NUP93: variants seen among roughly 807,000 people sequenced by gnomAD.
NUP93 encodes the protein nucleoporin 93.
NUP93 carries 55 observed loss-of-function variants against 107.8 expected under a neutral mutation model. That is an observed-to-expected ratio of 0.51 (90% confidence interval 0.41 to 0.64). The LOEUF is 0.64. Among genes scored for constraint, NUP93 ranks in the 30% least tolerant of loss-of-function variants. The pLI is 0.00. For missense variants in NUP93, 937 were observed against 1,044.7 expected (o/e 0.90, Z 1.42); for synonymous variants, 390 against 397.5 (o/e 0.98, Z 0.22).
chr16:56,803,232 TC>T (rs1963059402), intron 4 of NUP93, among the ~76,000 whole-genome samples: 1 of 151,978 alleles, frequency 6.6e-6, no homozygotes, highest in Admixed American at 6.6e-5. Flanking sequence ...GCCAAGGCGG[TC>T]GGATCACTTG....
In NUP93 at chr16:56,758,973, C is replaced by T. The variant is rs150350313; in HGVS notation, c.297+318C>T. Reference sequence around the variant, plus strand: ...AGAGACATTAGTTGCAAGTTTCTTTCGCTTTCTTTGCTAGATCTCAAATAA... The same window carrying T: ...AGAGACATTAGTTGCAAGTTTCTTTTGCTTTCTTTGCTAGATCTCAAATAA... On this transcript the variant is annotated intron_variant, in intron 3 of 21. Transcript: ENST00000308159. Among the ~76,000 whole-genome samples, 800 of 152,288 alleles carry T rather than the reference C, an allele frequency of 5.3e-3. 6 individuals carry two copies. The highest frequency in any genetic ancestry group is 9.2e-3 in the Non-Finnish European group (629 of 68,014).
chr16:56,757,864 C>G (rs537062457), intron 2 of NUP93, among the ~76,000 whole-genome samples: 2 of 152,322 alleles, frequency 1.3e-5, no homozygotes, highest in South Asian at 4.1e-4. Context: ...GACGTTTATA[C>G]TAGGTTACTC....
intron 15 of NUP93, 127 bp from the exon 16 acceptor site, chr16:56,834,607 T>G (rs540222028): frequency 1.8e-6 from 2 of 1,114,464 alleles, no homozygotes; most frequent in South Asian, 3.0e-5. Context: ...TCAGTCACAC[T>G]GATTTTTAGT....
chr16:56,793,294 A>G (rs1184653093), intron 3 of NUP93, among the ~76,000 whole-genome samples: 2 of 152,128 alleles, frequency 1.3e-5, no homozygotes, highest in African/African-American at 4.8e-5. Context: ...GGTGTTCTTT[A>G]TTGAGCTGAC....
intron 3 of NUP93, chr16:56,783,503 AT>A: frequency 1.0e-6 from 1 of 985,452 alleles, no homozygotes; most frequent in Non-Finnish European, 1.2e-6. Flanking sequence ...TGTGGTTTGC[AT>A]TTTGTAAAGA....
At chr16:56,733,508 G>A (rs1454714649) in intron 1 of NUP93, among the ~76,000 whole-genome samples, 5 of 152,146 alleles carry the variant, frequency 3.3e-5, no homozygotes, top group Admixed American at 2.0e-4. Context: ...TTACCTGACT[G>A]TGTGCTAATT....
chr16:56,730,464 C>T (rs987532729), intron 1 of NUP93, among the ~76,000 whole-genome samples: 1 of 152,120 alleles, frequency 6.6e-6, no homozygotes, highest in Non-Finnish European at 1.5e-5. Flanking sequence ...CCTAGGCCTC[C>T]CGACTCCCCC....
intron 21 of NUP93, among the ~76,000 whole-genome samples, chr16:56,844,280 G>T (rs560718388): frequency 3.5e-4 from 54 of 152,306 alleles, no homozygotes; most frequent in African/African-American, 1.3e-3. Flanking sequence ...TTGGATGCCT[G>T]TGGAACAGAG....
At chr16:56,829,915 G>A (rs1963745545) in intron 9 of NUP93, among the ~76,000 whole-genome samples, 1 of 152,236 alleles carries the variant, frequency 6.6e-6, no homozygotes, top group African/African-American at 2.4e-5. Context: ...TTCTGGAGGA[G>A]TTGAAGAAAA....
chr16:56,802,221 A>T (rs887152377), intron 4 of NUP93, among the ~76,000 whole-genome samples: 6 of 152,166 alleles, frequency 3.9e-5, no homozygotes, highest in African/African-American at 1.4e-4. Context: ...TTTGACCACT[A>T]TGTAGGAAAG....
rs553414138 is a variant in NUP93, at chr16:56,838,900, A to G, written c.2019-52A>G. On this transcript the variant is annotated intron_variant, in intron 18 of 21. Transcript: ENST00000308159. Reference sequence around the variant, plus strand: ...ATGCTATTCCACTGTTACGGATTACACAGAAATTCCTGATACACTCTTACT... The same window carrying G: ...ATGCTATTCCACTGTTACGGATTACGCAGAAATTCCTGATACACTCTTACT... The G allele has an allele frequency of 6.3e-6, 8 of 1,276,718 alleles. No individual in the cohort carries two copies. In the Admixed American group the frequency reaches 8.7e-5, roughly 14 times the overall value. 79.1% of individuals were successfully genotyped at this position (1,276,718 alleles called of 1,614,324 possible).
chr16:56,777,746 A>T (rs1279485472), intron 3 of NUP93, among the ~76,000 whole-genome samples: 2 of 152,224 alleles, frequency 1.3e-5, no homozygotes, highest in East Asian at 3.9e-4. Flanking sequence ...GTTGGTAATG[A>T]TGCTTAGTCA....
intron 1 of NUP93, among the ~76,000 whole-genome samples, chr16:56,732,906 C>G (rs1336367036): frequency 2.0e-5 from 3 of 152,112 alleles, no homozygotes; most frequent in African/African-American, 7.2e-5. Flanking sequence ...AAATTTGCCA[C>G]TAGAGAGGGA....
chr16:56,782,032 T>G, intron 3 of NUP93: 3 of 985,004 alleles, frequency 3.0e-6, no homozygotes, highest in Non-Finnish European at 3.6e-6. Flanking sequence ...TTTTTCTTCT[T>G]TCTCTCTTTT....
chr16:56,756,759 AC>A (rs1320175631), intron 2 of NUP93, among the ~76,000 whole-genome samples: 1 of 152,200 alleles, frequency 6.6e-6, no homozygotes, highest in African/African-American at 2.4e-5. Context: ...ACTCCCACCA[AC>A]AGTGTAAAAG....
At chr16:56,787,117 C>T (rs1962644933) in intron 3 of NUP93, among the ~76,000 whole-genome samples, 1 of 152,114 alleles carries the variant, frequency 6.6e-6, no homozygotes, top group African/African-American at 2.4e-5. Flanking sequence ...AAAGGAATAC[C>T]TTGATGAATT....
intron 16 of NUP93, among the ~76,000 whole-genome samples, chr16:56,835,586 C>T: frequency 6.6e-6 from 1 of 152,208 alleles, no homozygotes; most frequent in Non-Finnish European, 1.5e-5. Context: ...TGTGAGTTGA[C>T]AGAGCTAGAA....
chr16:56,766,319 T>C (rs779974137), intron 3 of NUP93, among the ~76,000 whole-genome samples: 1 of 152,224 alleles, frequency 6.6e-6, no homozygotes, highest in Non-Finnish European at 1.5e-5. Context: ...CTTCAGATAT[T>C]GGCCAGGCTC....
In NUP93 at chr16:56,811,258, C is replaced by G. The variant is rs370673581; in HGVS notation, c.489+5626C>G. On this transcript the variant is annotated intron_variant, in intron 5 of 21. Transcript: ENST00000308159. Reference sequence around the variant, plus strand: ...TGTGAGAATTCCATTTGTTCCATATCCTTGCCACACTTGATGTTTTCTGTC... The same window carrying G: ...TGTGAGAATTCCATTTGTTCCATATGCTTGCCACACTTGATGTTTTCTGTC... Among the ~76,000 whole-genome samples, 20 of 152,304 alleles carry G rather than the reference C, an allele frequency of 1.3e-4. No individual in the cohort carries two copies. The South Asian group carries it at 2.7e-3, about 21-fold the overall frequency.
Sources: gnomAD v4.1 joint callset for allele counts (sites outside exome capture counted in the v4.1 genomes callset) on GRCh38, gnomAD v4.1.1 for gene constraint, MANE v1.5 for transcripts, NCBI Gene and HGNC (gene_info 2026-07-23, HGNC 2026-07-21) for gene names.